TMEM44: variants seen among roughly 807,000 people sequenced by gnomAD.
TMEM44 encodes transmembrane protein 44.
TMEM44 carries 43 observed loss-of-function variants against 47.8 expected under a neutral mutation model. That is an observed-to-expected ratio of 0.90 (90% CI 0.70 to 1.16). TMEM44 has a LOEUF of 1.16. Among genes scored for constraint, TMEM44 ranks in the 50% most tolerant of loss-of-function variants. The pLI is 0.00. For missense variants in TMEM44, 568 were observed against 555.2 expected (o/e 1.02, Z -0.23); for synonymous variants, 277 against 238.8 (o/e 1.16, Z -1.48).
intron 7 of TMEM44, among the ~76,000 whole-genome samples, chr3:194,613,229 G>C (rs1455103035): frequency 6.6e-6 from 1 of 151,940 alleles, no homozygotes; most frequent in East Asian, 1.9e-4. Context: ...CCAGGCTGGA[G>C]TACAGTGGCA....
chr3:194,588,777 A>G, intron 9 of TMEM44, 138 bp from the exon 10 acceptor site: 3 of 788,210 alleles, frequency 3.8e-6, no homozygotes, highest in Non-Finnish European at 4.1e-6. Context: ...GGTAAGGACA[A>G]GTTACCCAGG....
At chr3:194,598,620 C>T (rs541050802) in intron 9 of TMEM44, among the ~76,000 whole-genome samples, 48 of 152,348 alleles carry the variant, frequency 3.2e-4, no homozygotes, top group Admixed American at 5.9e-4. Context: ...AGCATAGTCA[C>T]TGTTCGCAGT....
intron 9 of TMEM44, chr3:194,592,935 G>T: frequency 7.4e-7 from 1 of 1,357,292 alleles, no homozygotes. Context: ...TTTACTGAAG[G>T]AATTTGTCAT....
At chr3:194,588,918 C>T (rs1712216079) in intron 9 of TMEM44, 2 of 437,918 alleles carry the variant, frequency 4.6e-6, no homozygotes, top group African/African-American at 2.0e-5. Flanking sequence ...TCTACCAAGT[C>T]CTTATCTAGT....
chr3:194,615,802 C>G lies in TMEM44; in HGVS notation c.784-105G>C, dbSNP rs1036511755. 20 of 1,437,078 alleles carry G rather than the reference C, an allele frequency of 1.4e-5. No homozygotes were observed. The African/African-American group carries it at 1.7e-4, about 12-fold the overall frequency. The allele number at this position is 1,437,078 out of a possible 1,614,324, so 89.0% of individuals were successfully genotyped here. The stretch of plus-strand genomic sequence containing the variant: ...CCACCCCCCTCCCCACTCACCTACT[C>G]TCCTCCCTCCCCTGTATTATCCTGC... On this transcript the variant is annotated intron_variant, in intron 6 of 9. Coordinates refer to ENST00000347147, the MANE Select transcript of TMEM44 (RefSeq NM_001011655.3).
intron 5 of TMEM44, among the ~76,000 whole-genome samples, chr3:194,619,322 G>A (rs528519266): frequency 6.6e-6 from 1 of 152,348 alleles, no homozygotes; most frequent in East Asian, 1.9e-4. Flanking sequence ...GCTTAATCAC[G>A]GCTTGAAGAA....
In TMEM44 at chr3:194,623,279, C is replaced by T. The variant is rs912191740; in HGVS notation, c.557G>A (p.Gly186Asp). Reference protein sequence around the residue: ...ENTEILGYLLGSVAAFGSWAS... With the variant: ...ENTEILGYLLDSVAAFGSWAS... The stretch of plus-strand genomic sequence containing the variant: ...CCAGGAGCCAAAGGCAGCAACGCTA[C>T]CCAGCAGGTAGCCGAGGATCTCAGT... Residue 186 changes from glycine (G) to aspartate (D), a missense_variant, in exon 5 of 10, where the codon GGT (glycine) becomes GAT (aspartate). Transcript: ENST00000347147. The T allele has an allele frequency of 6.2e-7, 1 of 1,611,734 alleles. No homozygotes were observed. Among genetic ancestry groups the T allele is most frequent in the Non-Finnish European group, 8.5e-7 (1 of 1,179,060 alleles).
At chr3:194,613,713 C>T (rs868742557) in intron 7 of TMEM44, among the ~76,000 whole-genome samples, 4 of 148,880 alleles carry the variant, frequency 2.7e-5, no homozygotes, top group Admixed American at 6.7e-5. Flanking sequence ...AGGCTGGTCT[C>T]GAACTCCTGA....
intron 9 of TMEM44, among the ~76,000 whole-genome samples, chr3:194,590,531 G>A (rs901332313): frequency 6.6e-6 from 1 of 152,216 alleles, no homozygotes; most frequent in African/African-American, 2.4e-5. Flanking sequence ...CACCTGCCCA[G>A]TGAAAAAAGT....
chr3:194,608,505 G>T (rs1186998971), intron 8 of TMEM44, among the ~76,000 whole-genome samples: 1 of 152,228 alleles, frequency 6.6e-6, no homozygotes, highest in African/African-American at 2.4e-5. Flanking sequence ...ATCGTGATAA[G>T]TGCTTTGCAG....
At chr3:194,621,718 ATTTT>A (rs34426435) in intron 5 of TMEM44, among the ~76,000 whole-genome samples, 118 of 147,188 alleles carry the variant, frequency 8.0e-4, no homozygotes, top group Non-Finnish European at 1.0e-3. Flanking sequence ...TGGGCAAGTA[ATTTT>A]TTTTTTTTTT....
intron 9 of TMEM44, among the ~76,000 whole-genome samples, chr3:194,597,649 CAAA>C (rs532223669): frequency 4.0e-5 from 4 of 99,944 alleles, no homozygotes; most frequent in Admixed American, 3.6e-4. Context: ...GACTCTGTCT[CAAA>C]AAAAAAAAAA....
intron 7 of TMEM44, among the ~76,000 whole-genome samples, chr3:194,612,060 A>G (rs1395631024): frequency 6.8e-6 from 1 of 146,788 alleles, no homozygotes; most frequent in Admixed American, 6.8e-5. Context: ...AAATAAATAA[A>G]ATACAGATTG....
chr3:194,611,111 C>T lies in TMEM44; in HGVS notation c.913-91G>A. ...AAGGTCACATTTTATTCAAAAGGAC[C>T]CCCGTGGTATTTTCTCTCTCTCTTT... On this transcript the variant is annotated intron_variant, in intron 7 of 9. Transcript: ENST00000347147. This position sits in a 1 kb window ranked among gnomAD's most constrained non-coding sequence, Gnocchi z 4.2. The T allele has an allele frequency of 1.0e-6, 1 of 1,004,050 alleles. No homozygotes were observed. The highest frequency in any genetic ancestry group is 1.5e-6 in the Non-Finnish European group (1 of 647,822). The allele number at this position is 1,004,050 out of a possible 1,614,324, so 62.2% of individuals were successfully genotyped here.
intron 9 of TMEM44, among the ~76,000 whole-genome samples, chr3:194,590,898 T>G (rs1712593144): frequency 6.6e-6 from 1 of 152,140 alleles, no homozygotes; most frequent in Non-Finnish European, 1.5e-5. Context: ...AGGTGAGCTC[T>G]TTAAACTAGT....
intron 2 of TMEM44, among the ~76,000 whole-genome samples, chr3:194,627,887 G>A (rs1577228482): frequency 6.6e-6 from 1 of 152,152 alleles, no homozygotes; most frequent in Non-Finnish European, 1.5e-5. Context: ...GCTGAGGCAG[G>A]AGAATTGCTT....
chr3:194,588,879 C>T, intron 9 of TMEM44: 1 of 520,780 alleles, frequency 1.9e-6, no homozygotes, highest in South Asian at 2.2e-5. Flanking sequence ...CACTTTCCTT[C>T]CCGCCCTCAT....
At chr3:194,630,783 G>A (rs550676740) in intron 1 of TMEM44, among the ~76,000 whole-genome samples, 27 of 142,594 alleles carry the variant, frequency 1.9e-4, no homozygotes, top group Admixed American at 7.1e-5. Context: ...TCTGAAATAC[G>A]TTGTCGCACG....
chr3:194,604,192 A>T, intron 9 of TMEM44, 95 bp downstream of exon 9: 1 of 1,450,208 alleles, frequency 6.9e-7, no homozygotes, highest in Non-Finnish European at 9.4e-7. Context: ...AACGTGGATA[A>T]GATGAGAACA....
Sources: gnomAD v4.1 joint callset for allele counts (sites outside exome capture counted in the v4.1 genomes callset) on GRCh38, gnomAD v4.1.1 for gene constraint, Gnocchi (gnomAD v3.1) non-coding constraint, MANE v1.5 for transcripts, NCBI Gene and HGNC (gene_info 2026-07-23, HGNC 2026-07-21) for gene names.